GNA12: variants seen among roughly 807,000 people sequenced by gnomAD.
GNA12 encodes the protein G protein subunit alpha 12.
A neutral mutation model predicts 26.0 loss-of-function variants in GNA12; 9 were observed. The ratio of observed to expected loss-of-function variants is 0.35; its 90% CI spans 0.21 to 0.60. The LOEUF is 0.60. GNA12 is among the 20% of genes least tolerant of loss of function. The pLI, the probability that GNA12 is intolerant of heterozygous loss-of-function variation, is 0.78. For synonymous variants in GNA12, 264 were observed against 219.6 expected, an observed-to-expected ratio of 1.20 and a Z score of -1.79; for missense variants, 405 against 525.8, an observed-to-expected ratio of 0.77 and a Z score of 2.25.
chr7:2,737,348 G>T (rs1306508801), intron 2 of GNA12, among the ~76,000 whole-genome samples: 1 of 137,620 alleles, frequency 7.3e-6, no homozygotes, highest in Admixed American at 8.6e-5. Context: ...GAGTGCAGTG[G>T]TGTGATCTTG....
At chr7:2,807,690 A>T (rs1383983477) in intron 1 of GNA12, among the ~76,000 whole-genome samples, 1 of 152,208 alleles carries the variant, frequency 6.6e-6, no homozygotes, top group Non-Finnish European at 1.5e-5. Flanking sequence ...GATAAGACCA[A>T]ATGGAAAAAA....
chr7:2,810,945 T>G (rs1468720526), intron 1 of GNA12, among the ~76,000 whole-genome samples: 1 of 151,252 alleles, frequency 6.6e-6, no homozygotes, highest in Non-Finnish European at 1.5e-5. Flanking sequence ...GATAATGAGA[T>G]AACATGTGGA....
At chr7:2,781,121 A>T (rs768098311) in intron 2 of GNA12, among the ~76,000 whole-genome samples, 1 of 152,186 alleles carries the variant, frequency 6.6e-6, no homozygotes, top group Non-Finnish European at 1.5e-5. Context: ...TGAATTGCCT[A>T]TTTCTGGATA....
chr7:2,739,702 T>TCTCG (rs1790402879), intron 2 of GNA12, among the ~76,000 whole-genome samples: 1 of 152,056 alleles, frequency 6.6e-6, no homozygotes, highest in African/African-American at 2.4e-5. Context: ...TAAAATGGAG[T>TCTCG]CTCGCCCCGT....
intron 2 of GNA12, among the ~76,000 whole-genome samples, chr7:2,737,269 G>GTTTTTTTTTTTTTTTTTTT (rs1317020597): frequency 7.9e-5 from 3 of 38,106 alleles, no homozygotes; most frequent in Non-Finnish European, 1.1e-4. Context: ...TCACAGTTTT[G>GTTTTTTTTTTTTTTTTTTT]TTTTGTTTTT....
chr7:2,835,445 C>A lies in GNA12; in HGVS notation c.309+8408G>T, dbSNP rs139353866. 6.6e-5 allele frequency among the ~76,000 whole-genome samples: 10 copies of A among 152,310 alleles called. No homozygotes were observed. In the East Asian group the frequency reaches 1.9e-3, roughly 29 times the overall value. On this transcript the variant is annotated intron_variant, in intron 1 of 3. Transcript: ENST00000275364. ...TCCCTTTAACTGGCATGTACCAAGT[C>A]CTTCCAGGTGACATTTCCTCCCTGT...
intron 2 of GNA12, among the ~76,000 whole-genome samples, chr7:2,736,320 T>C (rs974549281): frequency 1.3e-5 from 2 of 152,094 alleles, no homozygotes; most frequent in African/African-American, 4.8e-5. Flanking sequence ...CTCGGGACTC[T>C]CCTTGGTGTG....
intron 2 of GNA12, among the ~76,000 whole-genome samples, chr7:2,772,865 T>G (rs746905534): frequency 2.0e-5 from 3 of 152,196 alleles, no homozygotes; most frequent in African/African-American, 4.8e-5. Flanking sequence ...TTACTCACAG[T>G]AGCCAAAAAC....
In GNA12 at chr7:2,811,656, C is replaced by T. The variant is rs1004304299; in HGVS notation, c.310-16513G>A. Among the ~76,000 whole-genome samples, 14 of 152,232 alleles carry T rather than the reference C, an allele frequency of 9.2e-5. No individual in the cohort carries two copies. The East Asian group carries it at 2.1e-3, about 23-fold the overall frequency. ...TAAAGAACGATTGCAAAACCAGAAG[C>T]GCTTCCCCTGACAGGCTCTGGTTAA... On this transcript the variant is annotated intron_variant, in intron 1 of 3. Transcript: ENST00000275364.
At chr7:2,777,652 C>T (rs1405413124) in intron 2 of GNA12, among the ~76,000 whole-genome samples, 1 of 152,136 alleles carries the variant, frequency 6.6e-6, no homozygotes, top group Non-Finnish European at 1.5e-5. Context: ...TGGCTGTCTG[C>T]AAGTCAGGAA....
intron 1 of GNA12, chr7:2,814,360 T>G (rs1793163636): frequency 6.2e-7 from 1 of 1,603,468 alleles, no homozygotes; most frequent in African/African-American, 1.3e-5. Context: ...GGCAGCACTT[T>G]CGGTTTCCAT....
intron 2 of GNA12, among the ~76,000 whole-genome samples, chr7:2,752,874 G>A (rs116033688): frequency 0.012 from 1,870 of 152,278 alleles, 52 homozygotes; most frequent in African/African-American, 0.043. Context: ...CCAGGGAACT[G>A]ACGTTAGTAC....
At chr7:2,785,880 C>T (rs1487645479) in intron 2 of GNA12, among the ~76,000 whole-genome samples, 2 of 152,126 alleles carry the variant, frequency 1.3e-5, no homozygotes, top group African/African-American at 4.8e-5. Context: ...AACCATATCT[C>T]TACTAAAAAT....
chr7:2,819,768 A>G (rs1288755197), intron 1 of GNA12, among the ~76,000 whole-genome samples: 2 of 152,238 alleles, frequency 1.3e-5, no homozygotes, highest in African/African-American at 4.8e-5. Flanking sequence ...TAGACCCCAA[A>G]GACGTTATAT....
At chr7:2,800,721 G>C (rs975621129) in intron 1 of GNA12, among the ~76,000 whole-genome samples, 1 of 152,232 alleles carries the variant, frequency 6.6e-6, no homozygotes, top group Non-Finnish European at 1.5e-5. Flanking sequence ...GTGGGCCTCA[G>C]ACGGAGCTTT....
At chr7:2,801,436 A>G (rs1224022254) in intron 1 of GNA12, among the ~76,000 whole-genome samples, 1 of 152,210 alleles carries the variant, frequency 6.6e-6, no homozygotes, top group East Asian at 1.9e-4. Context: ...TTCCCCAACT[A>G]TCAGGGTGAA....
intron 1 of GNA12, among the ~76,000 whole-genome samples, chr7:2,810,256 T>C (rs1793049587): frequency 6.6e-6 from 1 of 152,168 alleles, no homozygotes; most frequent in Non-Finnish European, 1.5e-5. Flanking sequence ...GACGGTGATT[T>C]CTCACTGTGT....
intron 1 of GNA12, chr7:2,814,825 T>C: frequency 6.4e-7 from 1 of 1,560,768 alleles, no homozygotes; most frequent in East Asian, 2.4e-5. Context: ...ACCCTTCCTG[T>C]GCTCCCGACA....
At chr7:2,763,732 C>T (rs2115406561) in intron 2 of GNA12, among the ~76,000 whole-genome samples, 1 of 152,330 alleles carries the variant, frequency 6.6e-6, no homozygotes, top group East Asian at 1.9e-4. Context: ...TCTAAATGTG[C>T]CTTCCCTGCA....
Sources: gnomAD v4.1 joint callset for allele counts (sites outside exome capture counted in the v4.1 genomes callset) on GRCh38, gnomAD v4.1.1 for gene constraint, MANE v1.5 for transcripts, NCBI Gene and HGNC (gene_info 2026-07-23, HGNC 2026-07-21) for gene names.